CHODL: variants seen among roughly 807,000 people sequenced by gnomAD.
The protein encoded by CHODL is chondrolectin.
In CHODL, 29 loss-of-function variants were observed where a neutral mutation model predicts 34.5. The observed-to-expected ratio is 0.84, with a 90% CI of 0.63 to 1.15. The LOEUF (loss-of-function observed/expected upper bound fraction) is 1.15, where lower values mean the gene tolerates loss of function less well. Among genes scored for constraint, CHODL ranks in the 50% most tolerant of loss-of-function variants. The probability of loss-of-function intolerance (pLI) is 0.00; values close to 1 mark genes in which losing one functional copy is unlikely to be tolerated. For missense variants in CHODL, 332 were observed against 332.5 expected (o/e 1.00, Z 0.01); for synonymous variants, 125 against 116.1 (o/e 1.08, Z -0.49).
At chr21:17,959,916 G>A (rs1442267520) in intron 1 of CHODL, among the ~76,000 whole-genome samples, 5 of 152,112 alleles carry the variant, frequency 3.3e-5, no homozygotes, top group Non-Finnish European at 7.4e-5. Context: ...CCCTTTAGAA[G>A]ATATTAGTTG....
chr21:17,979,642 A>T (rs978945379), intron 1 of CHODL, among the ~76,000 whole-genome samples: 1 of 152,218 alleles, frequency 6.6e-6, no homozygotes, highest in African/African-American at 2.4e-5. Context: ...ATTTCTGAAG[A>T]TCTCAAAATT....
At chr21:18,221,812 G>A (rs528750033) in intron 2 of CHODL, among the ~76,000 whole-genome samples, 34 of 152,304 alleles carry the variant, frequency 2.2e-4, no homozygotes, top group African/African-American at 7.5e-4. Flanking sequence ...TCTCATATTT[G>A]AGCCTCTGAG....
chr21:18,046,238 A>G (rs966717426), intron 2 of CHODL, among the ~76,000 whole-genome samples: 1 of 151,936 alleles, frequency 6.6e-6, no homozygotes, highest in Non-Finnish European at 1.5e-5. Context: ...TTTTATTATG[A>G]GTCATGGGAA....
chr21:17,948,370 T>C (rs2063429535), intron 1 of CHODL, among the ~76,000 whole-genome samples: 1 of 151,534 alleles, frequency 6.6e-6, no homozygotes, highest in Non-Finnish European at 1.5e-5. Flanking sequence ...CAAGCTAACA[T>C]TACACTTCAA....
At chr21:18,073,403 TCTTTCTGAGTGATTAG>T (rs2064828948) in intron 2 of CHODL, among the ~76,000 whole-genome samples, 1 of 152,140 alleles carries the variant, frequency 6.6e-6, no homozygotes, top group Non-Finnish European at 1.5e-5. Context: ...TCAATTGCAG[TCTTTCTGAGTGATTAG>T]CTTTAATCAT....
intron 2 of CHODL, among the ~76,000 whole-genome samples, chr21:18,210,887 A>T (rs1055924043): frequency 6.6e-6 from 1 of 152,198 alleles, no homozygotes; most frequent in African/African-American, 2.4e-5. Context: ...CACATTCAGA[A>T]TAAAAGTTAA....
chr21:17,992,725 T>TTG (rs2063808741), intron 1 of CHODL, among the ~76,000 whole-genome samples: 1 of 42,564 alleles, frequency 2.3e-5, no homozygotes, highest in Middle Eastern at 0.012. Flanking sequence ...GTTGTTTTTT[T>TTG]TTTTTTTTTT....
chr21:17,960,815 C>G (rs2063526780), intron 1 of CHODL, among the ~76,000 whole-genome samples: 1 of 152,246 alleles, frequency 6.6e-6, no homozygotes, highest in East Asian at 1.9e-4. Context: ...ATTCCCTATT[C>G]AGTCCCCCAA....
intron 2 of CHODL, among the ~76,000 whole-genome samples, chr21:18,071,942 T>C (rs1393298117): frequency 6.6e-6 from 1 of 152,162 alleles, no homozygotes; most frequent in Admixed American, 6.5e-5. Context: ...ATGGGCTTTA[T>C]AAATAAAGTT....
chr21:18,045,745 C>T (rs529954816), intron 2 of CHODL, among the ~76,000 whole-genome samples: 5 of 151,878 alleles, frequency 3.3e-5, no homozygotes, highest in African/African-American at 1.2e-4. Flanking sequence ...AGGTCAAGAG[C>T]ACTTATGAAT....
chr21:18,183,985 G>A (rs144090757), intron 2 of CHODL, among the ~76,000 whole-genome samples: 1 of 152,188 alleles, frequency 6.6e-6, no homozygotes, highest in African/African-American at 2.4e-5. Flanking sequence ...CTCATTAAAA[G>A]TGTAGTATTA....
At chr21:18,021,592 G>A (rs1025832688) in intron 1 of CHODL, among the ~76,000 whole-genome samples, 5 of 152,100 alleles carry the variant, frequency 3.3e-5, no homozygotes, top group South Asian at 2.1e-4. Flanking sequence ...GATCATCAGC[G>A]ATATCAACTA....
chr21:18,106,041 G>A (rs903396077), intron 2 of CHODL, among the ~76,000 whole-genome samples: 2 of 152,220 alleles, frequency 1.3e-5, no homozygotes, highest in African/African-American at 4.8e-5. Context: ...TATTGCAATA[G>A]TGTTCAGGGC....
At chr21:18,181,613 A>G (rs1049430461) in intron 2 of CHODL, among the ~76,000 whole-genome samples, 1 of 152,138 alleles carries the variant, frequency 6.6e-6, no homozygotes, top group African/African-American at 2.4e-5. Flanking sequence ...CGTGGTCTGG[A>G]TATCCTGACC....
intron 1 of CHODL, among the ~76,000 whole-genome samples, chr21:17,971,441 C>T (rs197534): frequency 0.88 from 133,338 of 152,202 alleles, 58,581 homozygotes; most frequent in African/African-American, 0.93. Context: ...TGGCATGAGA[C>T]GTTATCTCAT....
chr21:17,927,126 A>ATATATATGTATATATG (rs200122044), intron 1 of CHODL, among the ~76,000 whole-genome samples: 1,662 of 113,306 alleles, frequency 0.015, 41 homozygotes, highest in African/African-American at 0.061. Flanking sequence ...GTATATATGT[A>ATATATATGTATATATG]TATATATGTA....
upstream of CHODL, among the ~76,000 whole-genome samples, chr21:18,243,337 G>A (rs1365240988): frequency 6.6e-6 from 1 of 152,196 alleles, no homozygotes; most frequent in Non-Finnish European, 1.5e-5. Flanking sequence ...TTGCCTGGAG[G>A]CGTATCAGTT....
chr21:17,995,843 T>G (rs1486577547), intron 1 of CHODL, among the ~76,000 whole-genome samples: 1 of 152,212 alleles, frequency 6.6e-6, no homozygotes, highest in Admixed American at 6.5e-5. Context: ...TTTCAACCTC[T>G]GGAGTAAAAA....
intron 2 of CHODL, among the ~76,000 whole-genome samples, chr21:18,222,900 A>G (rs990616995): frequency 2.6e-5 from 4 of 152,194 alleles, no homozygotes; most frequent in African/African-American, 9.6e-5. Context: ...AATTTCTAAG[A>G]CTACTATAAA....
Sources: allele counts gnomAD v4.1 joint callset (sites outside exome capture counted in the v4.1 genomes callset), GRCh38; gene constraint gnomAD v4.1.1; transcripts MANE v1.5; gene names NCBI Gene and HGNC (gene_info 2026-07-23, HGNC 2026-07-21).